Variants in SLC26A7 observed in about 807,000 individuals in gnomAD.
The protein encoded by SLC26A7 is solute carrier family 26 member 7.
A neutral mutation model predicts 82.5 loss-of-function variants in SLC26A7; 59 were observed. The ratio of observed to expected loss-of-function variants is 0.72; its 90% CI spans 0.58 to 0.89. SLC26A7 has a LOEUF of 0.89. SLC26A7 is among the 40% of genes least tolerant of loss of function. The probability of loss-of-function intolerance (pLI) is 0.00; values close to 1 mark genes in which losing one functional copy is unlikely to be tolerated. For missense variants in SLC26A7, 820 were observed against 793.0 expected, an observed-to-expected ratio of 1.03 and a Z score of -0.41; for synonymous variants, 271 against 274.3, an observed-to-expected ratio of 0.99 and a Z score of 0.12.
chr8:91,281,905 T>C (rs984010017), intron 2 of SLC26A7, among the ~76,000 whole-genome samples: 4 of 152,206 alleles, frequency 2.6e-5, no homozygotes, highest in Middle Eastern at 6.3e-3. Context: ...TGTTTTACAT[T>C]GGAAAGTTGT....
At chr8:91,370,178 CT>C (rs34930979) in intron 15 of SLC26A7, among the ~76,000 whole-genome samples, 22 of 147,580 alleles carry the variant, frequency 1.5e-4, no homozygotes, top group Admixed American at 6.0e-4. Flanking sequence ...TTCTTTCCTT[CT>C]TTTTTTTTCT....
At chr8:91,294,772 C>G (rs755103164) in intron 3 of SLC26A7, among the ~76,000 whole-genome samples, 1 of 152,130 alleles carries the variant, frequency 6.6e-6, no homozygotes, top group Non-Finnish European at 1.5e-5. Context: ...GAAAATGGTC[C>G]CACAAATGTG....
intron 2 of SLC26A7, among the ~76,000 whole-genome samples, chr8:91,283,731 T>A (rs2130756596): frequency 6.6e-6 from 1 of 152,300 alleles, no homozygotes; most frequent in South Asian, 2.1e-4. Context: ...CACTCTGCCA[T>A]CTCCACTCCC....
chr8:91,359,554 A>G (rs1302325696), intron 11 of SLC26A7, among the ~76,000 whole-genome samples: 1 of 152,196 alleles, frequency 6.6e-6, no homozygotes, highest in Non-Finnish European at 1.5e-5. Context: ...GTGCAAAGAT[A>G]TGGTGTGAGA....
At chr8:91,330,753 A>G (rs753031602) in intron 5 of SLC26A7, among the ~76,000 whole-genome samples, 1 of 152,184 alleles carries the variant, frequency 6.6e-6, no homozygotes, top group Non-Finnish European at 1.5e-5. Context: ...AAGAGAAAAC[A>G]TGGAAGATAC....
Position 91,389,394 on chromosome 8 carries a change from G to C in SLC26A7, c.1732G>C (p.Gly578Arg). ...EKCYLILDCSGFTFFDYSGVS... is the reference protein window; with the variant it reads ...EKCYLILDCSRFTFFDYSGVS... The stretch of plus-strand genomic sequence containing the variant: ...GTGTTATTTAATCCTGGATTGCAGT[G>C]GATTTACCTTTTTTGACTATTCTGG... Residue 578 changes from glycine to arginine, a missense_variant, in exon 16 of 19, where the codon GGA becomes CGA. By Grantham distance (125) the Gly-to-Arg change is moderately radical. Coordinates refer to ENST00000276609, the MANE Select transcript of SLC26A7 (RefSeq NM_052832.4). 6.2e-7 allele frequency: 1 copy of C among 1,613,994 alleles called. No homozygotes were observed. Among genetic ancestry groups the C allele is most frequent in the Non-Finnish European group, 8.5e-7 (1 of 1,179,942 alleles).
At chr8:91,325,800 T>G (rs1295428885) in intron 5 of SLC26A7, among the ~76,000 whole-genome samples, 1 of 152,172 alleles carries the variant, frequency 6.6e-6, no homozygotes, top group South Asian at 2.1e-4. Flanking sequence ...GAGATAGTCA[T>G]TGGTAAAATG....
chr8:91,334,139 G>A (rs1056111414), intron 5 of SLC26A7, among the ~76,000 whole-genome samples, 156 bp from the exon 6 acceptor site: 1 of 152,114 alleles, frequency 6.6e-6, no homozygotes, highest in Admixed American at 6.6e-5. Flanking sequence ...TAAATACATA[G>A]CATTAGCACT....
chr8:91,288,168 T>C (rs1038393103), intron 2 of SLC26A7, among the ~76,000 whole-genome samples: 11 of 152,182 alleles, frequency 7.2e-5, no homozygotes, highest in African/African-American at 2.7e-4. Flanking sequence ...TTATTGATAT[T>C]AGAATCAGAC....
At chr8:91,274,731 G>A (rs1811362168) in intron 2 of SLC26A7, among the ~76,000 whole-genome samples, 2 of 152,156 alleles carry the variant, frequency 1.3e-5, no homozygotes, top group Admixed American at 1.3e-4. Flanking sequence ...TCCAGTGCCT[G>A]GCACATAGAT....
intron 2 of SLC26A7, among the ~76,000 whole-genome samples, chr8:91,229,417 A>G (rs1810283322): frequency 6.6e-6 from 1 of 152,218 alleles, no homozygotes; most frequent in African/African-American, 2.4e-5. Flanking sequence ...AAATTCTCAA[A>G]CATAAAGAAA....
At chr8:91,291,774 A>T (rs934354996) in intron 3 of SLC26A7, among the ~76,000 whole-genome samples, 2 of 152,256 alleles carry the variant, frequency 1.3e-5, no homozygotes, top group African/African-American at 4.8e-5. Context: ...AGAATCTTAT[A>T]GTCTACTTGA....
chr8:91,289,568 C>T (rs557268897), intron 3 of SLC26A7, among the ~76,000 whole-genome samples: 94 of 151,886 alleles, frequency 6.2e-4, no homozygotes, highest in Non-Finnish European at 1.2e-3. Flanking sequence ...TCGCTTGAAC[C>T]TGGGAGGTGG....
chr8:91,219,451 A>C (rs545280267), intron 2 of SLC26A7, among the ~76,000 whole-genome samples: 31 of 152,298 alleles, frequency 2.0e-4, no homozygotes, highest in Admixed American at 8.5e-4. Flanking sequence ...TTCACAGAAA[A>C]AATGAGTAGA....
chr8:91,359,248 T>G (rs1026862849), intron 11 of SLC26A7, among the ~76,000 whole-genome samples: 1 of 152,198 alleles, frequency 6.6e-6, no homozygotes, highest in Non-Finnish European at 1.5e-5. Context: ...CTTAAGATTT[T>G]TTTCTTAACA....
intron 16 of SLC26A7, among the ~76,000 whole-genome samples, chr8:91,393,059 T>C (rs1199865871): frequency 1.3e-5 from 2 of 152,200 alleles, no homozygotes; most frequent in Non-Finnish European, 2.9e-5. Flanking sequence ...TATTAGAATA[T>C]ATTGTAAATG....
intron 2 of SLC26A7, among the ~76,000 whole-genome samples, chr8:91,238,821 C>T (rs1810427246): frequency 6.6e-6 from 1 of 151,758 alleles, no homozygotes; most frequent in Non-Finnish European, 1.5e-5. Context: ...GACAGTGACT[C>T]CAAATAATAA....
chr8:91,227,819 G>T (rs1810257762), intron 2 of SLC26A7, among the ~76,000 whole-genome samples: 1 of 152,066 alleles, frequency 6.6e-6, no homozygotes. Context: ...TACATCTCCA[G>T]AATAACATTT....
chr8:91,335,511 A>G (rs894107607), intron 6 of SLC26A7, among the ~76,000 whole-genome samples: 5 of 152,198 alleles, frequency 3.3e-5, no homozygotes, highest in Admixed American at 6.5e-5. Context: ...TCCTGTAGAT[A>G]TTAAGAAATA....
Sources: gnomAD v4.1 joint callset for allele counts (sites outside exome capture counted in the v4.1 genomes callset) on GRCh38, gnomAD v4.1.1 for gene constraint, MANE v1.5 for transcripts, NCBI Gene and HGNC (gene_info 2026-07-23, HGNC 2026-07-21) for gene names.